Variants in GMDS observed in about 807,000 individuals in gnomAD.
GMDS encodes the protein GDP-mannose 4,6-dehydratase.
Under a neutral mutation model 49.9 loss-of-function variants are expected in GMDS, and 20 were observed. The observed-to-expected ratio is 0.40, with a 90% CI of 0.28 to 0.58. GMDS has a LOEUF of 0.58. Ranked by LOEUF, GMDS falls within the 20% of genes least tolerant of loss-of-function variation. GMDS has a pLI of 0.42. For missense variants in GMDS, 362 were observed against 481.4 expected (o/e 0.75, Z 2.32); for synonymous variants, 177 against 178.6 (o/e 0.99, Z 0.07).
intron 1 of GMDS, among the ~76,000 whole-genome samples, chr6:2,195,682 T>C (rs17134767): frequency 0.32 from 47,888 of 151,864 alleles, 8,972 homozygotes; most frequent in East Asian, 0.51. Flanking sequence ...AATAAGACAA[T>C]GTAAACCATG....
intron 1 of GMDS, among the ~76,000 whole-genome samples, chr6:2,150,471 C>T (rs551571884): frequency 5.9e-5 from 9 of 152,302 alleles, no homozygotes; most frequent in Admixed American, 2.6e-4. Flanking sequence ...CCCACTAACA[C>T]GAAACTATCT....
At chr6:1,922,500 C>T (rs975845479) in intron 7 of GMDS, among the ~76,000 whole-genome samples, 1 of 152,220 alleles carries the variant, frequency 6.6e-6, no homozygotes, top group African/African-American at 2.4e-5. Context: ...CTGAAACTCA[C>T]GGCCCAAGGC....
intron 1 of GMDS, among the ~76,000 whole-genome samples, chr6:2,150,333 GC>G (rs1776782635): frequency 6.6e-6 from 1 of 152,068 alleles, no homozygotes; most frequent in South Asian, 2.1e-4. Flanking sequence ...GACCATTTGA[GC>G]CCAGGAGTTC....
chr6:1,655,441 TTTACA>T (rs1200200455), intron 9 of GMDS, among the ~76,000 whole-genome samples: 1 of 152,006 alleles, frequency 6.6e-6, no homozygotes, highest in African/African-American at 2.4e-5. Flanking sequence ...ATGTAAAATA[TTTACA>T]TTAGTTTTTT....
At position 2,233,612 on chromosome 6, in the gene GMDS, G is replaced by A. The variant is rs534170942; in HGVS notation, c.102+11709C>T. ...AGGTGGGCAGATCACTTGAGGTCAG[G>A]AGTTCTAGACCAGCCTGGCCAACAT... On this transcript the variant is annotated intron_variant, in intron 1 of 10. Coordinates refer to ENST00000380815, the MANE Select transcript of GMDS (RefSeq NM_001500.4). Among the ~76,000 whole-genome samples, 3 of 152,320 alleles carry A rather than the reference G, an allele frequency of 2.0e-5. No individual in the cohort carries two copies. In the East Asian group the frequency reaches 5.8e-4, roughly 29 times the overall value.
At chr6:1,996,832 A>G (rs1766312321) in intron 4 of GMDS, among the ~76,000 whole-genome samples, 1 of 152,236 alleles carries the variant, frequency 6.6e-6, no homozygotes, top group Non-Finnish European at 1.5e-5. Flanking sequence ...TACTCAGACA[A>G]AAATTGAGAA....
intron 9 of GMDS, among the ~76,000 whole-genome samples, chr6:1,660,099 T>G (rs1021368439): frequency 6.6e-6 from 1 of 152,080 alleles, no homozygotes; most frequent in Non-Finnish European, 1.5e-5. Flanking sequence ...AAGTGGCACC[T>G]TGAAGAAGAT....
At chr6:1,695,616 T>C (rs1309768566) in intron 9 of GMDS, among the ~76,000 whole-genome samples, 2 of 152,296 alleles carry the variant, frequency 1.3e-5, no homozygotes, top group East Asian at 1.9e-4. Context: ...CATCAGCATG[T>C]GGCCATGACA....
intron 7 of GMDS, among the ~76,000 whole-genome samples, chr6:1,759,939 G>A (rs530757359): frequency 3.0e-4 from 46 of 151,792 alleles, no homozygotes; most frequent in African/African-American, 1.1e-3. Flanking sequence ...CATGGATGGA[G>A]ACCTAACATA....
rs183817942 is a variant in GMDS at position 1,698,887 on chromosome 6, T to G, written c.987+27529A>C. 1.1e-4 allele frequency among the ~76,000 whole-genome samples: 16 copies of G among 148,978 alleles called. No individual in the cohort carries two copies. The East Asian group carries it at 3.2e-3, about 30-fold the overall frequency. On this transcript the variant is annotated intron_variant, in intron 9 of 10. Coordinates refer to ENST00000380815, the MANE Select transcript of GMDS (RefSeq NM_001500.4). Reference sequence around the variant, plus strand: ...AATACTTTCTTGTCACCTGGCCAAATGGAATTCCAACGATATTGTGAAGAG... The same window carrying G: ...AATACTTTCTTGTCACCTGGCCAAAGGGAATTCCAACGATATTGTGAAGAG...
chr6:1,918,589 G>GA (rs199732716), intron 7 of GMDS, among the ~76,000 whole-genome samples: 1,516 of 149,938 alleles, frequency 0.01, 13 homozygotes, highest in Non-Finnish European at 0.017. Flanking sequence ...CTACTAAAAA[G>GA]AAAAAAAAAT....
chr6:1,645,253 G>A (rs1763451613), intron 9 of GMDS, among the ~76,000 whole-genome samples: 1 of 152,236 alleles, frequency 6.6e-6, no homozygotes, highest in Non-Finnish European at 1.5e-5. Flanking sequence ...CTTATACCCT[G>A]TCATCCAGCA....
chr6:2,214,674 C>T (rs997809895), intron 1 of GMDS, among the ~76,000 whole-genome samples: 6 of 152,034 alleles, frequency 3.9e-5, no homozygotes, highest in African/African-American at 1.4e-4. Context: ...TCTTTTTTTA[C>T]ATAAATTTTC....
chr6:1,893,496 C>G (rs1759994037), intron 7 of GMDS, among the ~76,000 whole-genome samples: 1 of 152,156 alleles, frequency 6.6e-6, no homozygotes, highest in Non-Finnish European at 1.5e-5. Context: ...CATCTCTGTT[C>G]CCTTACTGCT....
chr6:1,727,247 C>T (rs1292215170), intron 8 of GMDS, among the ~76,000 whole-genome samples: 2 of 152,242 alleles, frequency 1.3e-5, no homozygotes, highest in South Asian at 2.1e-4. Flanking sequence ...ATCCCAGGAG[C>T]GAGTCCTCAA....
At chr6:1,819,084 C>T (rs1036368807) in intron 7 of GMDS, among the ~76,000 whole-genome samples, 8 of 151,894 alleles carry the variant, frequency 5.3e-5, no homozygotes, top group South Asian at 2.1e-4. Flanking sequence ...ATACAAGATG[C>T]TACTGACAGA....
chr6:1,897,540 G>A (rs993151586), intron 7 of GMDS, among the ~76,000 whole-genome samples: 2 of 152,086 alleles, frequency 1.3e-5, no homozygotes, highest in African/African-American at 4.8e-5. Flanking sequence ...TTGGGACCTG[G>A]ACAAATTGTA....
chr6:2,134,961 G>A (rs1167840685), intron 1 of GMDS, among the ~76,000 whole-genome samples: 1 of 152,042 alleles, frequency 6.6e-6, no homozygotes, highest in Non-Finnish European at 1.5e-5. Flanking sequence ...CAACATCCTG[G>A]TGAGGTAGCT....
chr6:2,223,458 G>A (rs529942701), intron 1 of GMDS, among the ~76,000 whole-genome samples: 1 of 110,262 alleles, frequency 9.1e-6, no homozygotes, highest in South Asian at 3.5e-4. Flanking sequence ...CTCACTGGCA[G>A]CAAATGAATG....
Sources: allele counts gnomAD v4.1 joint callset (sites outside exome capture counted in the v4.1 genomes callset), GRCh38; gene constraint gnomAD v4.1.1; transcripts MANE v1.5; gene names NCBI Gene and HGNC (gene_info 2026-07-23, HGNC 2026-07-21).